CDH18: variants seen among roughly 807,000 people sequenced by gnomAD.
CDH18 encodes cadherin-18.
In CDH18, 31 loss-of-function variants were observed where a neutral mutation model predicts 67.9. The observed-to-expected ratio is 0.46, with a 90% CI of 0.34 to 0.62. The LOEUF (loss-of-function observed/expected upper bound fraction) is 0.62. CDH18 is among the 20% of genes least tolerant of loss of function. The pLI, the probability that CDH18 is intolerant of heterozygous loss-of-function variation, is 0.01. For synonymous variants in CDH18, 362 were observed against 347.2 expected (o/e 1.04, Z -0.48); for missense variants, 890 against 975.5 (o/e 0.91, Z 1.17).
chr5:20,356,811 G>A (rs1212303637), intron 1 of CDH18, among the ~76,000 whole-genome samples: 1 of 133,862 alleles, frequency 7.5e-6, no homozygotes, highest in Admixed American at 7.6e-5. Context: ...GCGTATATAT[G>A]TATATATACA....
chr5:19,715,564 C>T (rs536058232), intron 5 of CDH18, among the ~76,000 whole-genome samples: 1 of 152,204 alleles, frequency 6.6e-6, no homozygotes, highest in African/African-American at 2.4e-5. Flanking sequence ...TACAGATTAT[C>T]ATTCACAATT....
At chr5:20,286,283 T>C (rs1746689088) in intron 1 of CDH18, among the ~76,000 whole-genome samples, 14 of 151,732 alleles carry the variant, frequency 9.2e-5, no homozygotes, top group African/African-American at 3.4e-4. Context: ...TAACATTTAG[T>C]TAGGTGATTT....
chr5:20,008,646 G>A (rs1218465436), intron 2 of CDH18, among the ~76,000 whole-genome samples: 4 of 152,114 alleles, frequency 2.6e-5, no homozygotes, highest in African/African-American at 7.2e-5. Context: ...GACCCTTAGG[G>A]TTTTAGTTTC....
intron 10 of CDH18, among the ~76,000 whole-genome samples, chr5:19,506,678 C>G (rs549556067): frequency 1.3e-5 from 2 of 152,238 alleles, no homozygotes; most frequent in Non-Finnish European, 1.5e-5. Flanking sequence ...TTAATAAATG[C>G]TGCTGGGAAA....
At chr5:20,215,302 T>C (rs1296898786) in intron 2 of CDH18, among the ~76,000 whole-genome samples, 1 of 151,946 alleles carries the variant, frequency 6.6e-6, no homozygotes, top group African/African-American at 2.4e-5. Flanking sequence ...ATAATTCAGG[T>C]ATATATACAA....
chr5:19,658,923 G>C (rs549751217), intron 5 of CDH18, among the ~76,000 whole-genome samples: 1 of 151,866 alleles, frequency 6.6e-6, no homozygotes, highest in South Asian at 2.1e-4. Context: ...TGATAGACTG[G>C]ATTAAGAAAA....
intron 3 of CDH18, among the ~76,000 whole-genome samples, chr5:19,759,043 C>T (rs1771997434): frequency 6.6e-6 from 1 of 152,218 alleles, no homozygotes; most frequent in Admixed American, 6.5e-5. Context: ...AGGCAAATTG[C>T]TTCTGGTGGG....
intron 5 of CDH18, among the ~76,000 whole-genome samples, chr5:19,686,747 C>T (rs1441037823): frequency 1.3e-5 from 2 of 152,094 alleles, no homozygotes; most frequent in Admixed American, 1.3e-4. Context: ...CATTAAATCA[C>T]TACTTTTCAC....
chr5:20,458,104 T>C (rs1561022701), intron 1 of CDH18, among the ~76,000 whole-genome samples: 1 of 152,264 alleles, frequency 6.6e-6, no homozygotes, highest in East Asian at 1.9e-4. Flanking sequence ...GCTTTTGTTT[T>C]GCTTTTTTGT....
At chr5:19,607,580 G>T (rs1016143752) in intron 6 of CDH18, among the ~76,000 whole-genome samples, 3 of 151,094 alleles carry the variant, frequency 2.0e-5, no homozygotes, top group Admixed American at 1.3e-4. Context: ...GAAAAAAGGA[G>T]AAGAAAAGAT....
At chr5:19,567,001 G>T (rs62349517) in intron 8 of CDH18, among the ~76,000 whole-genome samples, 1 of 151,974 alleles carries the variant, frequency 6.6e-6, no homozygotes, top group Non-Finnish European at 1.5e-5. Context: ...TTCACATGTT[G>T]TTACTCATAT....
chr5:20,283,488 T>C (rs978823720), intron 1 of CDH18, among the ~76,000 whole-genome samples: 9 of 151,502 alleles, frequency 5.9e-5, no homozygotes, highest in African/African-American at 1.7e-4. Context: ...GGAAAACGGG[T>C]ATATGAAAAG....
At chr5:19,780,411 A>T (rs1774966271) in intron 3 of CDH18, among the ~76,000 whole-genome samples, 1 of 152,028 alleles carries the variant, frequency 6.6e-6, no homozygotes, top group Non-Finnish European at 1.5e-5. Flanking sequence ...TCACATGTTA[A>T]TTTTATGTTT....
At chr5:19,590,962 G>A (rs1745015468) in intron 7 of CDH18, 95 bp downstream of exon 7, 3 of 627,444 alleles carry the variant, frequency 4.8e-6, no homozygotes, top group Non-Finnish European at 8.3e-6. Flanking sequence ...TCATTTTAAT[G>A]GCCTGACAGC....
At chr5:20,110,832 T>A (rs951660143) in intron 2 of CDH18, among the ~76,000 whole-genome samples, 8 of 152,214 alleles carry the variant, frequency 5.3e-5, no homozygotes, top group African/African-American at 1.9e-4. Flanking sequence ...AAAAGCACAC[T>A]TTTATTTTTC....
chr5:20,270,632 G>GTCCT, intron 1 of CDH18, among the ~76,000 whole-genome samples: 1 of 151,858 alleles, frequency 6.6e-6, no homozygotes, highest in South Asian at 2.1e-4. Context: ...CCCATTACTG[G>GTCCT]GTATATACCA....
chr5:20,290,473 G>T (rs939694218), intron 1 of CDH18, among the ~76,000 whole-genome samples: 1 of 152,162 alleles, frequency 6.6e-6, no homozygotes, highest in African/African-American at 2.4e-5. Context: ...CCTAGGCTAA[G>T]TGCTGAGATC....
At chr5:20,515,521 A>T (rs1221146939) in intron 1 of CDH18, among the ~76,000 whole-genome samples, 1 of 152,016 alleles carries the variant, frequency 6.6e-6, no homozygotes, top group Non-Finnish European at 1.5e-5. Context: ...TGCCACCTAG[A>T]TACGCATTTG....
chr5:20,443,209 C>CAAAAAAAAAAA (rs72353299), intron 1 of CDH18, among the ~76,000 whole-genome samples: 2 of 77,512 alleles, frequency 2.6e-5, no homozygotes, highest in Non-Finnish European at 4.5e-5. Context: ...GACTCCGTCA[C>CAAAAAAAAAAA]AAAAAAAAAA....
Sources: gnomAD v4.1 joint callset for allele counts (sites outside exome capture counted in the v4.1 genomes callset) on GRCh38, gnomAD v4.1.1 for gene constraint, MANE v1.5 for transcripts, NCBI Gene and HGNC (gene_info 2026-07-23, HGNC 2026-07-21) for gene names.